The following ADSS1 variants were observed in gnomAD, a reference collection of about 807,000 sequenced individuals.
ADSS1 encodes adenylosuccinate synthase 1.
In ADSS1, 57 loss-of-function variants were observed where a neutral mutation model predicts 59.1. The observed-to-expected ratio is 0.97, with a 90% confidence interval of 0.78 to 1.20. The LOEUF (loss-of-function observed/expected upper bound fraction) is 1.20, where lower values mean the gene tolerates loss of function less well. ADSS1 is among the 50% of genes most tolerant of loss of function. The probability of loss-of-function intolerance (pLI) is 0.00; values close to 1 mark genes in which losing one functional copy is unlikely to be tolerated. For synonymous variants in ADSS1, 247 were observed against 249.4 expected (o/e 0.99, Z 0.09); for missense variants, 603 against 610.3 (o/e 0.99, Z 0.13).
intron 3 of ADSS1, 127 bp downstream of exon 3, chr14:104,738,565 G>A: frequency 3.7e-6 from 4 of 1,070,520 alleles, no homozygotes; most frequent in Non-Finnish European, 5.5e-6. Flanking sequence ...AACATAGCTG[G>A]CCCAGCTCAT....
intron 1 of ADSS1, among the ~76,000 whole-genome samples, chr14:104,730,761 T>C (rs2140758002): frequency 6.6e-6 from 1 of 152,022 alleles, no homozygotes; most frequent in Admixed American, 6.5e-5. Flanking sequence ...CACAGGGCCG[T>C]GCCTTCCCTG....
intron 1 of ADSS1, among the ~76,000 whole-genome samples, chr14:104,724,931 G>A (rs745862765): frequency 2.0e-5 from 3 of 152,228 alleles, no homozygotes; most frequent in Non-Finnish European, 2.9e-5. Context: ...GTCTGCAGGT[G>A]GTGGAGGGGG....
At chr14:104,725,624 C>G (rs959671641) in intron 1 of ADSS1, among the ~76,000 whole-genome samples, 2 of 152,156 alleles carry the variant, frequency 1.3e-5, no homozygotes, top group African/African-American at 2.4e-5. Context: ...AGCAGGCAAG[C>G]ACATCCCTCG....
Position 104,741,024 on chromosome 14 carries a change from A to G in ADSS1, c.667-93A>G, listed in dbSNP as rs555631431. The G allele has an allele frequency of 1.1e-5, 17 of 1,599,950 alleles. No homozygotes were observed. In the African/African-American group the frequency reaches 2.0e-4, roughly 19 times the overall value. Reference sequence around the variant, plus strand: ...ACACCCTTGGGGCACACCTGATACTAGGCATTGTTATGGGCTGGCCAACCT... The same window carrying G: ...ACACCCTTGGGGCACACCTGATACTGGGCATTGTTATGGGCTGGCCAACCT... On this transcript the variant is annotated intron_variant, in intron 7 of 12. Transcript: ENST00000330877.
chr14:104,738,480 G>T (rs371971986), intron 3 of ADSS1, 42 bp downstream of exon 3: 31 of 1,605,700 alleles, frequency 1.9e-5, no homozygotes, highest in Non-Finnish European at 2.6e-5. Context: ...CCCAGACGCG[G>T]TGCCCTGAGC....
In ADSS1 at chr14:104,738,395, C is replaced by T. The variant is rs760582840; in HGVS notation, c.315C>T (p.His105=). ...ATGCAGGCAACGGGGTGGTCATCCACTTGCCAGGCTTGTTTGAGGAAGCAG... is the reference window on the plus strand; with the variant it reads ...ATGCAGGCAACGGGGTGGTCATCCATTTGCCAGGCTTGTTTGAGGAAGCAG... ...VSFIGNGVVI[H]LPGLFEEAEK... Residue 105 remains histidine (H), a synonymous_variant, in exon 3 of 13, where the codon CAC becomes CAT. Coordinates refer to ENST00000330877, the MANE Select transcript of ADSS1 (RefSeq NM_152328.5). The T allele has an allele frequency of 5.0e-6, 8 of 1,614,008 alleles. No individual in the cohort carries two copies. Among genetic ancestry groups the T allele is most frequent in the East Asian group, 2.2e-5 (1 of 44,876 alleles).
chr14:104,729,924 A>G (rs986139838), intron 1 of ADSS1: 2 of 1,548,372 alleles, frequency 1.3e-6, no homozygotes, highest in East Asian at 2.4e-5. Flanking sequence ...GTGGCAACCC[A>G]GAGGCAAGGA....
chr14:104,744,132 C>T (rs752270296), intron 10 of ADSS1, among the ~76,000 whole-genome samples: 4 of 152,092 alleles, frequency 2.6e-5, no homozygotes, highest in Non-Finnish European at 5.9e-5. Context: ...GCCATGCTCA[C>T]GGGCTGGACA....
chr14:104,739,315 C>A lies in ADSS1; in HGVS notation c.359-13C>A, dbSNP rs373349360. On this transcript the variant is annotated splice_polypyrimidine_tract_variant and intron_variant, in intron 3 of 12. Transcript: ENST00000330877. ...TGTGAACACTGACCCACCTGTGTGC[C>A]GTGTCCCCGCAGGCCTGAAGGACTG... The A allele has an allele frequency of 6.9e-6, 11 of 1,605,806 alleles. No individual in the cohort carries two copies. The African/African-American group carries it at 1.3e-4, about 20-fold the overall frequency.
intron 8 of ADSS1, among the ~76,000 whole-genome samples, chr14:104,741,570 C>T (rs1218013961): frequency 1.3e-5 from 2 of 152,130 alleles, no homozygotes; most frequent in Non-Finnish European, 2.9e-5. Context: ...CACGGGCGCA[C>T]CAGCTTACCC....
intron 1 of ADSS1, among the ~76,000 whole-genome samples, chr14:104,728,083 T>TG (rs1345751946): frequency 6.6e-6 from 1 of 152,210 alleles, no homozygotes; most frequent in East Asian, 1.9e-4. Context: ...CTCTGTGGTG[T>TG]GGCAGCGCCA....
rs866803252 is a variant in ADSS1, at chr14:104,743,267, C to T, written c.1073+76C>T. ...ACCTGCAGAGGCAAGCAGCACTTGA[C>T]GCAGGGGCTGAGGGCCACCAAGTCT... On this transcript the variant is annotated intron_variant, in intron 10 of 12. Transcript: ENST00000330877. The T allele has an allele frequency of 1.1e-5, 17 of 1,574,766 alleles. No individual in the cohort carries two copies. In the Middle Eastern group the frequency reaches 5.0e-4, roughly 46 times the overall value.
chr14:104,724,263 AAG>A lies in ADSS1; in HGVS notation c.-7_-6del, dbSNP rs1334155527. ...GCCGGGCCAGCGCAGCGGAAGAGCC[AAG>A]CCAGCATGTCGGGGACCCGAGCCTC... On this transcript the variant is annotated 5_prime_UTR_variant, in exon 1 of 13. Coordinates refer to ENST00000330877, the MANE Select transcript of ADSS1 (RefSeq NM_152328.5). The A allele has an allele frequency of 1.6e-6, 2 of 1,227,220 alleles. No individual in the cohort carries two copies. The highest frequency in any genetic ancestry group is 3.1e-5 in the African/African-American group (2 of 63,976). The allele number at this position is 1,227,220 out of a possible 1,614,324, so 76.0% of individuals were successfully genotyped here. A position where few individuals can be genotyped will look rare whatever the true frequency, so the allele number is the denominator to read the frequency against.
At chr14:104,728,626 G>C (rs1351665165) in intron 1 of ADSS1, among the ~76,000 whole-genome samples, 1 of 152,230 alleles carries the variant, frequency 6.6e-6, no homozygotes, top group African/African-American at 2.4e-5. Context: ...CCCTTGCTCT[G>C]TGCCGGGCAC....
At position 104,740,199 on chromosome 14, in the gene ADSS1, T is replaced by A. The variant is rs1490342594; in HGVS notation, c.476+383T>A. The stretch of plus-strand genomic sequence containing the variant: ...GACACAGGAGTGAAGCAGATGAGTG[T>A]CCTGCCTCAGAGAGGTGATGGTCAC... On this transcript the variant is annotated intron_variant, in intron 5 of 12. Transcript: ENST00000330877. This position sits in a 1 kb window ranked among gnomAD's most constrained non-coding sequence, Gnocchi z 4.8. Among the ~76,000 whole-genome samples the A allele has an allele frequency of 6.6e-6, 1 of 152,056 alleles. No homozygotes were observed. Among genetic ancestry groups the A allele is most frequent in the Non-Finnish European group, 1.5e-5 (1 of 68,010 alleles).
In ADSS1 at chr14:104,739,038, G is replaced by A. The variant is rs3803309; in HGVS notation, c.359-290G>A. On this transcript the variant is annotated intron_variant, in intron 3 of 12. Coordinates refer to ENST00000330877, the MANE Select transcript of ADSS1 (RefSeq NM_152328.5). ...GTGGCAGCAGCTAGGGAGGAAAGCC[G>A]GGCACTCACACCAGCTCTGGCTTCC... Among the ~76,000 whole-genome samples the A allele has an allele frequency of 9.0e-3, 1,368 of 152,302 alleles. 37 individuals carry two copies. The East Asian group carries it at 0.098, about 11-fold the overall frequency.
chr14:104,734,978 C>T, intron 1 of ADSS1, 42 bp from the exon 2 acceptor site: 1 of 1,573,126 alleles, frequency 6.4e-7, no homozygotes, highest in South Asian at 1.1e-5. Context: ...GGGGGGTCCT[C>T]AGTACCCAAG....
In ADSS1 at chr14:104,746,975, C is replaced by A; in HGVS notation, c.1346C>A (p.Ser449Ter). The change falls in exon 13 of 13, where the codon TCA becomes TAA. Residue 449 changes from serine to a stop codon, truncating the protein, a stop_gained. Coordinates refer to ENST00000330877, the MANE Select transcript of ADSS1 (RefSeq NM_152328.5). LOFTEE classifies it high-confidence loss of function. The part of the protein sequence containing the change: ...VAVKWVGVGK[S>*]RESMIQLF ...GTCAAATGGGTTGGTGTTGGCAAGT[C>A]AAGAGAGTCGATGATCCAGCTGTTT... 1 of 1,614,076 alleles carries A rather than the reference C, an allele frequency of 6.2e-7. No homozygotes were observed. The highest frequency in any genetic ancestry group is 1.1e-5 in the South Asian group (1 of 91,070).
chr14:104,725,439 G>T (rs1460586769), intron 1 of ADSS1, among the ~76,000 whole-genome samples: 1 of 152,138 alleles, frequency 6.6e-6, no homozygotes, highest in Non-Finnish European at 1.5e-5. Flanking sequence ...CGGGTTCTGT[G>T]GCCTCCTTCC....
Sources: allele counts gnomAD v4.1 joint callset (sites outside exome capture counted in the v4.1 genomes callset), GRCh38; gene constraint gnomAD v4.1.1; non-coding constraint Gnocchi (gnomAD v3.1); transcripts MANE v1.5; gene names NCBI Gene and HGNC (gene_info 2026-07-23, HGNC 2026-07-21).